Variants in FBXW7 observed in about 807,000 individuals in gnomAD.
FBXW7 encodes the protein F-box/WD repeat-containing protein 7.
A neutral mutation model predicts 86.3 loss-of-function variants in FBXW7; 11 were observed. The ratio of observed to expected loss-of-function variants is 0.13; its 90% confidence interval spans 0.08 to 0.21. The LOEUF (loss-of-function observed/expected upper bound fraction) is 0.21. Among genes scored for constraint, FBXW7 ranks in the 10% least tolerant of loss-of-function variants. The probability of loss-of-function intolerance (pLI) is 1.00; values close to 1 mark genes in which losing one functional copy is unlikely to be tolerated. For missense variants in FBXW7, 488 were observed against 847.4 expected (o/e 0.58, Z 5.27); for synonymous variants, 313 against 297.9 (o/e 1.05, Z -0.52).
intron 2 of FBXW7, among the ~76,000 whole-genome samples, chr4:152,415,413 C>T (rs954007617): frequency 6.6e-6 from 1 of 152,088 alleles, no homozygotes; most frequent in African/African-American, 2.4e-5. Flanking sequence ...AGTAAACCAA[C>T]TGTACTGATC....
chr4:152,513,790 G>A (rs549695700), intron 2 of FBXW7, among the ~76,000 whole-genome samples: 16 of 152,256 alleles, frequency 1.1e-4, no homozygotes, highest in Admixed American at 1.0e-3. Context: ...AAACACTAAA[G>A]CCCTAACCTA....
chr4:152,461,211 C>A (rs1196862947), intron 2 of FBXW7, among the ~76,000 whole-genome samples: 1 of 152,222 alleles, frequency 6.6e-6, no homozygotes, highest in South Asian at 2.1e-4. Context: ...CGAGATCGCA[C>A]CACTGCACTC....
At chr4:152,509,053 T>G (rs1353633655) in intron 2 of FBXW7, among the ~76,000 whole-genome samples, 1 of 152,168 alleles carries the variant, frequency 6.6e-6, no homozygotes, top group African/African-American at 2.4e-5. Flanking sequence ...TGACCAGTAC[T>G]CTTCCAAAGT....
At chr4:152,531,634 T>C (rs1418722407) in intron 2 of FBXW7, among the ~76,000 whole-genome samples, 1 of 151,610 alleles carries the variant, frequency 6.6e-6, no homozygotes, top group Non-Finnish European at 1.5e-5. Context: ...CCCTCCATTG[T>C]ATGGGACACA....
At chr4:152,508,053 CA>C (rs747263931) in intron 2 of FBXW7, among the ~76,000 whole-genome samples, 4 of 151,444 alleles carry the variant, frequency 2.6e-5, no homozygotes, top group African/African-American at 7.3e-5. Flanking sequence ...CTGAGTGACA[CA>C]GCAGGACCCT....
chr4:152,508,858 T>C (rs1747697519), intron 2 of FBXW7, among the ~76,000 whole-genome samples: 1 of 152,012 alleles, frequency 6.6e-6, no homozygotes, highest in African/African-American at 2.4e-5. Context: ...TGGACAAACC[T>C]GATACCACCT....
chr4:152,397,800 G>A (rs1328909646), intron 4 of FBXW7, among the ~76,000 whole-genome samples: 2 of 146,748 alleles, frequency 1.4e-5, no homozygotes, highest in Non-Finnish European at 3.0e-5. Flanking sequence ...CAATATTACT[G>A]TCTGTGCTAA....
chr4:152,424,556 C>T (rs1226474721), intron 2 of FBXW7, among the ~76,000 whole-genome samples: 5 of 152,172 alleles, frequency 3.3e-5, no homozygotes, highest in Admixed American at 2.0e-4. Context: ...GTACCCTGCA[C>T]CACAGCCCAC....
At chr4:152,482,460 G>A (rs1744965871) in intron 2 of FBXW7, among the ~76,000 whole-genome samples, 1 of 152,136 alleles carries the variant, frequency 6.6e-6, no homozygotes, top group Admixed American at 6.6e-5. Flanking sequence ...TTATTTCGGA[G>A]GTGGCCACTA....
chr4:152,522,311 A>G (rs1469667348), intron 2 of FBXW7, among the ~76,000 whole-genome samples: 1 of 152,238 alleles, frequency 6.6e-6, no homozygotes, highest in Non-Finnish European at 1.5e-5. Flanking sequence ...GTTTCTGAAA[A>G]AAGTGTAAGG....
rs896258873 is a variant in FBXW7, at chr4:152,321,559, TTTTG to T, written c.*1318_*1321del. Reference sequence around the variant, plus strand: ...GCAAACCATTTGACTGTTTCATTCATTTTGTTTGTTTGCATGTGACGCCTTTACT... The same window carrying T: ...GCAAACCATTTGACTGTTTCATTCATTTTGTTTGCATGTGACGCCTTTACT... On this transcript the variant is annotated 3_prime_UTR_variant, in exon 14 of 14. Transcript: ENST00000281708. The T allele has an allele frequency of 4.3e-6, 1 of 233,092 alleles. No homozygotes were observed. Among genetic ancestry groups the T allele is most frequent in the Non-Finnish European group, 8.5e-6 (1 of 117,744 alleles). 14.4% of individuals were successfully genotyped at this position (233,092 alleles called of 1,614,324 possible).
chr4:152,410,181 T>C (rs924949430), intron 4 of FBXW7, among the ~76,000 whole-genome samples: 3 of 152,194 alleles, frequency 2.0e-5, no homozygotes, highest in South Asian at 2.1e-4. Flanking sequence ...GTTAGTGCAA[T>C]TGGACCTTAA....
intron 4 of FBXW7, among the ~76,000 whole-genome samples, chr4:152,386,901 G>C (rs1579064475): frequency 6.6e-6 from 1 of 152,112 alleles, no homozygotes; most frequent in Non-Finnish European, 1.5e-5. Context: ...TGCATTACAA[G>C]TCCAAGCACT....
intron 2 of FBXW7, chr4:152,451,610 C>T (rs1579237105): frequency 6.6e-6 from 1 of 151,716 alleles, no homozygotes; most frequent in South Asian, 2.1e-4. Flanking sequence ...ACATGGTAAA[C>T]CCTGTCTCCA....
chr4:152,471,529 G>A (rs994728804), intron 2 of FBXW7, among the ~76,000 whole-genome samples: 5 of 141,104 alleles, frequency 3.5e-5, no homozygotes, highest in Non-Finnish European at 7.8e-5. Context: ...GAGGGAGGGA[G>A]GGAAGGATGG....
At position 152,450,350 on chromosome 4, in the gene FBXW7, A is replaced by T. The variant is rs571297539; in HGVS notation, c.-119-37821T>A. 8.0e-4 allele frequency among the ~76,000 whole-genome samples: 122 copies of T among 152,302 alleles called. 1 individual carries two copies. Among genetic ancestry groups the T allele is most frequent in the Middle Eastern group, 6.8e-3 (2 of 294 alleles). ...GCAATTGAACTGGGTATTGCCAAGAACTCTGCTTTTCCTGTGCTGCTGCTA... is the reference window on the plus strand; with the variant it reads ...GCAATTGAACTGGGTATTGCCAAGATCTCTGCTTTTCCTGTGCTGCTGCTA... On this transcript the variant is annotated intron_variant, in intron 2 of 13. Transcript: ENST00000281708.
chr4:152,484,961 CAAAAAAAA>C (rs369258930), intron 2 of FBXW7, among the ~76,000 whole-genome samples: 1 of 102,990 alleles, frequency 9.7e-6, no homozygotes, highest in Non-Finnish European at 2.2e-5. Context: ...GACTCTGTCT[CAAAAAAAA>C]AAAAAAAAAG....
At chr4:152,506,805 C>T (rs1747464665) in intron 2 of FBXW7, among the ~76,000 whole-genome samples, 1 of 152,220 alleles carries the variant, frequency 6.6e-6, no homozygotes, top group Admixed American at 6.5e-5. Context: ...GAGAAGTCTG[C>T]ATTTCTAACC....
chr4:152,411,253 A>C, intron 4 of FBXW7, 50 bp downstream of exon 4: 1 of 1,498,250 alleles, frequency 6.7e-7, no homozygotes, highest in South Asian at 1.4e-5. Flanking sequence ...ATTACAATTA[A>C]AATAGATATG....
Sources: gnomAD v4.1 joint callset for allele counts (sites outside exome capture counted in the v4.1 genomes callset) on GRCh38, gnomAD v4.1.1 for gene constraint, MANE v1.5 for transcripts, NCBI Gene and HGNC (gene_info 2026-07-23, HGNC 2026-07-21) for gene names.